The following JAZF1 variants were observed in gnomAD, a reference collection of about 807,000 sequenced individuals.
JAZF1 encodes the protein JAZF zinc finger 1, also known as juxtaposed with another zinc finger protein 1.
Under a neutral mutation model 26.4 loss-of-function variants are expected in JAZF1, and 8 were observed. The observed-to-expected ratio is 0.30, with a 90% CI of 0.18 to 0.55. The LOEUF (loss-of-function observed/expected upper bound fraction) is 0.55, where lower values mean the gene tolerates loss of function less well. Among genes scored for constraint, JAZF1 ranks in the 20% least tolerant of loss-of-function variants. The pLI, the probability that JAZF1 is intolerant of heterozygous loss-of-function variation, is 0.94. For missense variants in JAZF1, 199 were observed against 322.0 expected (o/e 0.62, Z 2.92); for synonymous variants, 126 against 122.3 (o/e 1.03, Z -0.20).
chr7:27,832,598 G>C lies in JAZF1; in HGVS notation c.*202C>G, dbSNP rs1465818552. Reference sequence around the variant, plus strand: ...ACCTTATATCAAAGTAATGAAAATGGGTATGATGATTACATGTGCAAATGT... The same window carrying C: ...ACCTTATATCAAAGTAATGAAAATGCGTATGATGATTACATGTGCAAATGT... On this transcript the variant is annotated 3_prime_UTR_variant, in exon 5 of 5. Coordinates refer to ENST00000283928, the MANE Select transcript of JAZF1 (RefSeq NM_175061.4). 7 of 406,912 alleles carry C rather than the reference G, an allele frequency of 1.7e-5. No individual in the cohort carries two copies. The highest frequency in any genetic ancestry group is 2.6e-5 in the Non-Finnish European group (6 of 230,558). The allele number at this position is 406,912 out of a possible 1,614,324, so 25.2% of individuals were successfully genotyped here.
rs117380656 is a variant in JAZF1, at chr7:28,044,194, C to T, written c.116-52213G>A. On this transcript the variant is annotated intron_variant, in intron 1 of 4. Coordinates refer to ENST00000283928, the MANE Select transcript of JAZF1 (RefSeq NM_175061.4). ...AATGCATCAAATATATCTCATCTCACTGAAGACCATAAAATATATCTCATC... is the reference window on the plus strand; with the variant it reads ...AATGCATCAAATATATCTCATCTCATTGAAGACCATAAAATATATCTCATC... 5.2e-3 allele frequency among the ~76,000 whole-genome samples: 793 copies of T among 152,300 alleles called. 4 individuals are homozygous for T. The highest frequency in any genetic ancestry group is 0.014 in the Middle Eastern group (4 of 294).
At chr7:27,932,531 G>A (rs968716554) in intron 2 of JAZF1, among the ~76,000 whole-genome samples, 55 of 152,146 alleles carry the variant, frequency 3.6e-4, no homozygotes, top group African/African-American at 1.2e-3. Context: ...TTTATGATTC[G>A]CAACATGAAA....
At chr7:27,882,036 A>G (rs767930956) in intron 3 of JAZF1, among the ~76,000 whole-genome samples, 1 of 152,240 alleles carries the variant, frequency 6.6e-6, no homozygotes, top group African/African-American at 2.4e-5. Flanking sequence ...GTAAGGAAAC[A>G]TCTTAGTTGG....
At chr7:28,074,618 T>C (rs1239031851) in intron 1 of JAZF1, among the ~76,000 whole-genome samples, 1 of 152,200 alleles carries the variant, frequency 6.6e-6, no homozygotes, top group Non-Finnish European at 1.5e-5. Context: ...AAATGAGCTA[T>C]TTGAGTAAGC....
intron 2 of JAZF1, among the ~76,000 whole-genome samples, chr7:27,939,450 A>G (rs940639151): frequency 1.3e-5 from 2 of 152,176 alleles, no homozygotes; most frequent in South Asian, 2.1e-4. Context: ...CATACCCCCA[A>G]TACTCTGAGG....
Position 28,059,440 on chromosome 7 carries a change from C to A in JAZF1, c.116-67459G>T, listed in dbSNP as rs192641977. Among the ~76,000 whole-genome samples, 6 of 152,194 alleles carry A rather than the reference C, an allele frequency of 3.9e-5. No individual in the cohort carries two copies. The East Asian group carries it at 1.2e-3, about 29-fold the overall frequency. Reference sequence around the variant, plus strand: ...ATCAAAACCTAAACATTACTAATTTCTTTACCTTCTTCCTAAGTAATATGT... The same window carrying A: ...ATCAAAACCTAAACATTACTAATTTATTTACCTTCTTCCTAAGTAATATGT... On this transcript the variant is annotated intron_variant, in intron 1 of 4. Transcript: ENST00000283928.
At chr7:28,097,251 G>A (rs989383088) in intron 1 of JAZF1, among the ~76,000 whole-genome samples, 2 of 151,976 alleles carry the variant, frequency 1.3e-5, no homozygotes, top group South Asian at 2.1e-4. Flanking sequence ...ATAAATAACT[G>A]CATGTTACCA....
intron 1 of JAZF1, among the ~76,000 whole-genome samples, chr7:28,032,684 T>C (rs1783212342): frequency 6.6e-6 from 1 of 152,182 alleles, no homozygotes; most frequent in South Asian, 2.1e-4. Context: ...GCAACCTAAC[T>C]GTGCTTCATG....
intron 1 of JAZF1, among the ~76,000 whole-genome samples, chr7:28,015,131 A>C (rs1175858627): frequency 6.6e-6 from 1 of 151,834 alleles, no homozygotes; most frequent in African/African-American, 2.4e-5. Flanking sequence ...GACGCAGCTC[A>C]AGTTTGAGAG....
At chr7:28,036,967 T>C (rs1488086813) in intron 1 of JAZF1, among the ~76,000 whole-genome samples, 1 of 152,172 alleles carries the variant, frequency 6.6e-6, no homozygotes, top group Non-Finnish European at 1.5e-5. Context: ...GGCTCACTAA[T>C]GGGCACAGTT....
At chr7:28,006,113 AGGG>A (rs985831798) in intron 1 of JAZF1, among the ~76,000 whole-genome samples, 1 of 152,142 alleles carries the variant, frequency 6.6e-6, no homozygotes, top group African/African-American at 2.4e-5. Flanking sequence ...CTTACCCACT[AGGG>A]GCCAGGCTCA....
At chr7:27,940,042 C>T (rs972650510) in intron 2 of JAZF1, among the ~76,000 whole-genome samples, 5 of 152,110 alleles carry the variant, frequency 3.3e-5, no homozygotes, top group Non-Finnish European at 5.9e-5. Context: ...CCAGGAGCCC[C>T]GGCACAGCAG....
intron 2 of JAZF1, among the ~76,000 whole-genome samples, chr7:27,948,944 T>C (rs1441741883): frequency 6.6e-6 from 1 of 152,220 alleles, no homozygotes; most frequent in Non-Finnish European, 1.5e-5. Context: ...ACATCCATTT[T>C]CTGAACACCC....
intron 2 of JAZF1, among the ~76,000 whole-genome samples, chr7:27,974,969 C>T (rs1785444100): frequency 6.6e-6 from 1 of 151,162 alleles, no homozygotes; most frequent in Admixed American, 6.6e-5. Context: ...TCTGCAACCT[C>T]TGCCTCCCAG....
chr7:27,910,609 G>A (rs1481626929), intron 2 of JAZF1, among the ~76,000 whole-genome samples: 1 of 152,170 alleles, frequency 6.6e-6, no homozygotes, highest in African/African-American at 2.4e-5. Flanking sequence ...CCTATTTCAG[G>A]CCAGCCAACC....
chr7:28,139,460 A>G (rs534587864), intron 1 of JAZF1, among the ~76,000 whole-genome samples: 1 of 152,250 alleles, frequency 6.6e-6, no homozygotes, highest in South Asian at 2.1e-4. Flanking sequence ...GTGTCCCTAT[A>G]AAAAGGAAAC....
intron 2 of JAZF1, among the ~76,000 whole-genome samples, chr7:27,957,018 T>C (rs1056898066): frequency 6.6e-6 from 1 of 152,224 alleles, no homozygotes; most frequent in African/African-American, 2.4e-5. Context: ...CATTTGTCAA[T>C]GAAAAGTTCG....
At chr7:28,014,051 T>C (rs1471755612) in intron 1 of JAZF1, among the ~76,000 whole-genome samples, 1 of 144,016 alleles carries the variant, frequency 6.9e-6, no homozygotes, top group Non-Finnish European at 1.5e-5. Context: ...GGCAGTGGAT[T>C]CTACAGCTGT....
chr7:27,849,349 G>T (rs12700846), intron 3 of JAZF1, among the ~76,000 whole-genome samples: 3 of 152,246 alleles, frequency 2.0e-5, no homozygotes, highest in Non-Finnish European at 4.4e-5. Context: ...AAGGGACAAG[G>T]GCTGCCTTTG....
Sources: gnomAD v4.1 joint callset for allele counts (sites outside exome capture counted in the v4.1 genomes callset) on GRCh38, gnomAD v4.1.1 for gene constraint, MANE v1.5 for transcripts, NCBI Gene and HGNC (gene_info 2026-07-23, HGNC 2026-07-21) for gene names.